The following AURKAIP1 variants were observed in gnomAD, a reference collection of about 807,000 sequenced individuals.
AURKAIP1 encodes the protein aurora kinase A interacting protein 1.
In AURKAIP1, 20 loss-of-function variants were observed where a neutral mutation model predicts 18.4. The ratio of observed to expected loss-of-function variants is 1.09; its 90% CI spans 0.77 to 1.58. The LOEUF is 1.58. Among genes scored for constraint, AURKAIP1 ranks in the 40% most tolerant of loss-of-function variants. The probability of loss-of-function intolerance (pLI) is 0.00; values close to 1 mark genes in which losing one functional copy is unlikely to be tolerated. For synonymous variants in AURKAIP1, 156 were observed against 120.8 expected (o/e 1.29, Z -1.91); for missense variants, 319 against 270.7 (o/e 1.18, Z -1.25).
In AURKAIP1 at chr1:1,374,395, C is replaced by A; in HGVS notation, c.103G>T (p.Gly35Trp). The part of the protein sequence containing the change: ...VSGVLGSRVC[G>W]PLYSTSPAGP... ...GCCGGCGATGTGCTGTAAAGGGGCC[C>A]GCAGACCCGGCTGCCCAGCACTCCA... The change falls in exon 3 of 4, where the codon GGG (glycine) becomes TGG (tryptophan). Residue 35 changes from glycine (G) to tryptophan (W), a missense_variant. Gly to Trp is a radical substitution (Grantham distance 184, BLOSUM62 -2). Transcript: ENST00000338338. 1.4e-6 allele frequency: 2 copies of A among 1,476,622 alleles called. No individual in the cohort carries two copies. The highest frequency in any genetic ancestry group is 2.4e-5 in the East Asian group (1 of 42,442). 91.5% of individuals were successfully genotyped at this position (1,476,622 alleles called of 1,614,324 possible).
chr1:1,374,415 A>G lies in AURKAIP1; in HGVS notation c.83T>C (p.Val28Ala). ...GGGCCCGCAGACCCGGCTGCCCAGC[A>G]CTCCAGAGACGGGCCAAGGCGGGCG... ...GGRPPWPVSG[V>A]LGSRVCGPLY... The change falls in exon 3 of 4, where the codon GTG becomes GCG. Residue 28 changes from valine (V) to alanine (A), a missense_variant. By Grantham distance (64) the Val-to-Ala change is moderately conservative (BLOSUM62 0). Transcript: ENST00000338338. 2.1e-6 allele frequency: 3 copies of G among 1,459,004 alleles called. No homozygotes were observed. The highest frequency in any genetic ancestry group is 2.7e-6 in the Non-Finnish European group (3 of 1,111,674). The allele number at this position is 1,459,004 out of a possible 1,614,324, so 90.4% of individuals were successfully genotyped here.
intron 2 of AURKAIP1, 88 bp downstream of exon 2, chr1:1,374,617 G>A: frequency 6.9e-7 from 1 of 1,440,222 alleles, no homozygotes; most frequent in Non-Finnish European, 9.5e-7. Flanking sequence ...TGTGTGTGTG[G>A]CCACCGGCCC....
Position 1,374,807 on chromosome 1 carries a change from C to T in AURKAIP1, c.-34-17G>A, listed in dbSNP as rs779604187. On this transcript the variant is annotated splice_polypyrimidine_tract_variant and intron_variant, in intron 1 of 3. Transcript: ENST00000338338. ...CCAGGGGAGCTGGAACACAAGTGCCCGTTCAGGTCAGGCGGCAGCGCCTTC... is the reference window on the plus strand; with the variant it reads ...CCAGGGGAGCTGGAACACAAGTGCCTGTTCAGGTCAGGCGGCAGCGCCTTC... The T allele has an allele frequency of 2.0e-6, 3 of 1,528,798 alleles. No individual in the cohort carries two copies. The highest frequency in any genetic ancestry group is 2.7e-6 in the Non-Finnish European group (3 of 1,132,076). 94.7% of individuals were successfully genotyped at this position (1,528,798 alleles called of 1,614,324 possible).
chr1:1,374,337 T>C lies in AURKAIP1; in HGVS notation c.161A>G (p.Lys54Arg). 1.3e-6 allele frequency: 2 copies of C among 1,562,942 alleles called. No homozygotes were observed. The highest frequency in any genetic ancestry group is 1.7e-6 in the Non-Finnish European group (2 of 1,157,074). The change falls in exon 3 of 4, where the codon AAG becomes AGG. Residue 54 changes from lysine (K) to arginine (R), a missense_variant. Coordinates refer to ENST00000338338, the MANE Select transcript of AURKAIP1 (RefSeq NM_017900.3). ...CTCCTCCAGCTCCAGCTGGGCCCCCTTGCGAGGGAGAGAGGCCGCCCTACC... is the reference window on the plus strand; with the variant it reads ...CTCCTCCAGCTCCAGCTGGGCCCCCCTGCGAGGGAGAGAGGCCGCCCTACC... ...GPGRAASLPR[K>R]GAQLELEEML... is the part of the protein sequence containing the mutation.
intron 1 of AURKAIP1, 98 bp downstream of exon 1, chr1:1,375,056 C>T (rs911527159): frequency 3.0e-6 from 1 of 332,314 alleles, no homozygotes; most frequent in Non-Finnish European, 5.6e-6. Flanking sequence ...GCGCGAATCG[C>T]GTTGCCTGGC....
rs1218034600 is a variant in AURKAIP1, at chr1:1,374,279, G to A, written c.219C>T (p.Pro73=). 1 of 1,596,186 alleles carries A rather than the reference G, an allele frequency of 6.3e-7. No homozygotes were observed. Among genetic ancestry groups the A allele is most frequent in the Non-Finnish European group, 8.5e-7 (1 of 1,171,950 alleles). ...AGCGGGCCGTGAGCCAGCTCTCCAG[G>A]GGGCTGACGGACATCTTCCTGGGGA... ...MLVPRKMSVS[P]LESWLTARCF... The change falls in exon 3 of 4, where the codon CCC becomes CCT. Residue 73 remains proline, a synonymous_variant. Transcript: ENST00000338338.
intron 2 of AURKAIP1, 27 bp from the exon 3 acceptor site, chr1:1,374,472 C>G: frequency 6.9e-7 from 1 of 1,439,084 alleles, no homozygotes; most frequent in Non-Finnish European, 9.1e-7. Flanking sequence ...GCCACGGTCA[C>G]CGCTCGCGAG....
chr1:1,373,876 G>T lies in AURKAIP1; in HGVS notation c.525C>A (p.Arg175=). The part of the protein sequence containing the change: ...KQIKFEKDLR[R]IWLKAGLKEA... ...CCTTTAGCCCCGCCTTCAGCCAGAT[G>T]CGCCTCAGGTCTTTCTCGAACTTGA... is the stretch of plus-strand genomic sequence containing the variant. Residue 175 remains arginine (R), a synonymous_variant, in exon 4 of 4, where the codon CGC becomes CGA. Coordinates refer to ENST00000338338, the MANE Select transcript of AURKAIP1 (RefSeq NM_017900.3). The T allele has an allele frequency of 1.2e-6, 2 of 1,608,302 alleles. No homozygotes were observed. The highest frequency in any genetic ancestry group is 2.2e-5 in the South Asian group (2 of 91,076).
intron 1 of AURKAIP1, 90 bp downstream of exon 1, chr1:1,375,064 G>A (rs1036342649): frequency 3.1e-5 from 10 of 320,956 alleles, no homozygotes; most frequent in Middle Eastern, 8.9e-4. Flanking sequence ...CGCGTTGCCT[G>A]GCGCCCGGAC....
chr1:1,375,072 G>A, intron 1 of AURKAIP1, 82 bp downstream of exon 1: 1 of 304,462 alleles, frequency 3.3e-6, no homozygotes, highest in Non-Finnish European at 6.2e-6. Context: ...CTGGCGCCCG[G>A]ACCCTCTCGG....
rs1474536442 is a variant in AURKAIP1, at chr1:1,374,265, A to G, written c.233T>C (p.Leu78Pro). Reference protein sequence around the residue: ...KMSVSPLESWLTARCFLPRLD... With the variant: ...KMSVSPLESWPTARCFLPRLD... ...TCTGGGCAGGAAGCAGCGGGCCGTGAGCCAGCTCTCCAGGGGGCTGACGGA... is the reference window on the plus strand; with the variant it reads ...TCTGGGCAGGAAGCAGCGGGCCGTGGGCCAGCTCTCCAGGGGGCTGACGGA... Residue 78 changes from leucine (L) to proline (P), a missense_variant, in exon 3 of 4, where the codon CTC becomes CCC. Leu to Pro is a moderately conservative substitution (Grantham distance 98, BLOSUM62 -3). Coordinates refer to ENST00000338338, the MANE Select transcript of AURKAIP1 (RefSeq NM_017900.3). 7 of 1,605,896 alleles carry G rather than the reference A, an allele frequency of 4.4e-6. No individual in the cohort carries two copies. Among genetic ancestry groups the G allele is most frequent in the South Asian group, 1.1e-5 (1 of 90,970 alleles).
chr1:1,373,816 G>A lies in AURKAIP1; in HGVS notation c.585C>T (p.Tyr195=), dbSNP rs1466704227. 6.2e-7 allele frequency: 1 copy of A among 1,601,042 alleles called. No homozygotes were observed. Among genetic ancestry groups the A allele is most frequent in the Admixed American group, 1.7e-5 (1 of 59,944 alleles). The change falls in exon 4 of 4, where the codon TAC becomes TAT. Residue 195 remains tyrosine (Y), a synonymous_variant. Coordinates refer to ENST00000338338, the MANE Select transcript of AURKAIP1 (RefSeq NM_017900.3). The part of the protein sequence containing the change: ...APEGWQTPKI[Y]LRGK ...GGCGCCAGACTCATTTGCCCCGCAG[G>A]TAGATCTTGGGGGTCTGCCAGCCTT...
At position 1,373,838 on chromosome 1, in the gene AURKAIP1, C is replaced by CA. The variant is rs1644317107; in HGVS notation, c.562_563insT (p.Gly188ValfsTer?). The CA allele has an allele frequency of 6.2e-7, 1 of 1,602,184 alleles. No homozygotes were observed. Among genetic ancestry groups the CA allele is most frequent in the African/African-American group, 1.3e-5 (1 of 74,824 alleles). ...CAGGTAGATCTTGGGGGTCTGCCAG[C>CA]CTTCGGGGGCTTCCTTTAGCCCCGC... On this transcript the variant is annotated frameshift_variant, in exon 4 of 4. Coordinates refer to ENST00000338338, the MANE Select transcript of AURKAIP1 (RefSeq NM_017900.3). LOFTEE classifies it high-confidence loss of function.
chr1:1,374,946 G>T, intron 1 of AURKAIP1, 156 bp from the exon 2 acceptor site: 1 of 552,126 alleles, frequency 1.8e-6, no homozygotes, highest in Non-Finnish European at 3.1e-6. Context: ...CACAGCTCGC[G>T]CCCCGAGGCT....
intron 2 of AURKAIP1, 86 bp from the exon 3 acceptor site, chr1:1,374,531 G>T: frequency 1.5e-6 from 2 of 1,363,606 alleles, no homozygotes. Flanking sequence ...TCCCAGCGAG[G>T]ATCCCCCGCA....
Sources: gnomAD v4.1 joint callset for allele counts on GRCh38, gnomAD v4.1.1 for gene constraint, MANE v1.5 for transcripts, NCBI Gene and HGNC (gene_info 2026-07-23, HGNC 2026-07-21) for gene names.